SLC44A5: variants seen among roughly 807,000 people sequenced by gnomAD.
SLC44A5 encodes the protein solute carrier family 44 member 5.
A neutral mutation model predicts 101.8 loss-of-function variants in SLC44A5; 57 were observed. The observed-to-expected ratio is 0.56, with a 90% confidence interval of 0.45 to 0.70. The LOEUF is 0.70. Ranked by LOEUF, SLC44A5 falls within the 30% of genes least tolerant of loss-of-function variation. SLC44A5 has a pLI of 0.00. For synonymous variants in SLC44A5, 281 were observed against 290.9 expected, an observed-to-expected ratio of 0.97 and a Z score of 0.35; for missense variants, 737 against 853.1, an observed-to-expected ratio of 0.86 and a Z score of 1.70.
intron 2 of SLC44A5, among the ~76,000 whole-genome samples, chr1:75,494,977 T>C (rs768698583): frequency 2.6e-5 from 4 of 152,152 alleles, no homozygotes; most frequent in Non-Finnish European, 5.9e-5. Context: ...AGAAAAAAGA[T>C]GGCTCTTTGC....
At chr1:75,647,219 C>T in the SLC44A5 span, among the ~76,000 whole-genome samples, 10 of 152,182 alleles carry the variant, frequency 6.6e-5, no homozygotes, top group African/African-American at 1.9e-4. Flanking sequence ...TGCTTCAGAA[C>T]GTTCAAGCCC....
At chr1:75,204,798 CTT>C (rs1646722348) in intron 23 of SLC44A5, 1 of 152,100 alleles carries the variant, frequency 6.6e-6, no homozygotes, top group Admixed American at 6.6e-5. Flanking sequence ...AATTTTTCAA[CTT>C]TTATGTGTAT....
chr1:75,305,406 T>C (rs556081115), intron 4 of SLC44A5, among the ~76,000 whole-genome samples: 1 of 152,318 alleles, frequency 6.6e-6, no homozygotes, highest in South Asian at 2.1e-4. Context: ...ACATCACTGA[T>C]ATTACTGATA....
chr1:75,566,526 T>C (rs1284485770), intron 1 of SLC44A5, among the ~76,000 whole-genome samples: 6 of 152,242 alleles, frequency 3.9e-5, no homozygotes, highest in African/African-American at 7.2e-5. Flanking sequence ...ATATTTTTAT[T>C]ATCTCTAACA....
intron 6 of SLC44A5, among the ~76,000 whole-genome samples, chr1:75,262,598 C>CA (rs1294895259): frequency 6.6e-6 from 1 of 152,134 alleles, no homozygotes; most frequent in Admixed American, 6.6e-5. Flanking sequence ...ATCAAGCTAC[C>CA]ACTGACTTTC....
At chr1:75,528,436 G>A (rs1670542407) in intron 2 of SLC44A5, among the ~76,000 whole-genome samples, 1 of 152,132 alleles carries the variant, frequency 6.6e-6, no homozygotes, top group African/African-American at 2.4e-5. Flanking sequence ...ATAAACACAT[G>A]GATTTTACGA....
At chr1:75,522,999 C>T (rs211784) in intron 2 of SLC44A5, among the ~76,000 whole-genome samples, 19,484 of 152,186 alleles carry the variant, frequency 0.13, 1,353 homozygotes, top group Non-Finnish European at 0.15. Context: ...AGTACAAGTG[C>T]AGCTAGAAAT....
chr1:75,225,836 T>C (rs1647183247), intron 13 of SLC44A5, among the ~76,000 whole-genome samples: 1 of 152,200 alleles, frequency 6.6e-6, no homozygotes, highest in African/African-American at 2.4e-5. Flanking sequence ...TTCCTAAAGG[T>C]ACATCTCTTT....
At chr1:75,583,278 T>C (rs1673805363) in intron 1 of SLC44A5, among the ~76,000 whole-genome samples, 1 of 152,206 alleles carries the variant, frequency 6.6e-6, no homozygotes, top group Admixed American at 6.5e-5. Flanking sequence ...TTTATAACTC[T>C]CATTTGACTA....
chr1:75,617,762 A>T, the SLC44A5 span, among the ~76,000 whole-genome samples: 1 of 152,208 alleles, frequency 6.6e-6, no homozygotes, highest in East Asian at 1.9e-4. Flanking sequence ...GCTGCCTCTT[A>T]TTTAATTAAA....
chr1:75,456,034 A>G (rs963917344), intron 2 of SLC44A5, among the ~76,000 whole-genome samples: 50 of 152,164 alleles, frequency 3.3e-4, no homozygotes, highest in African/African-American at 4.8e-5. Flanking sequence ...AAAATAAACC[A>G]TTCTACCAAA....
At chr1:75,292,776 G>A (rs1476365229) in intron 5 of SLC44A5, among the ~76,000 whole-genome samples, 2 of 152,178 alleles carry the variant, frequency 1.3e-5, no homozygotes, top group African/African-American at 2.4e-5. Flanking sequence ...AGGTGAAGGA[G>A]GAAGAGAAAA....
intron 2 of SLC44A5, among the ~76,000 whole-genome samples, chr1:75,445,919 G>C (rs80293972): frequency 7.2e-5 from 11 of 152,088 alleles, no homozygotes; most frequent in Admixed American, 7.2e-4. Flanking sequence ...CAAGTTGCTC[G>C]GGGAAGAAAC....
At chr1:75,597,305 C>CA (rs1220369778) in intron 1 of SLC44A5, among the ~76,000 whole-genome samples, 3 of 151,622 alleles carry the variant, frequency 2.0e-5, no homozygotes, top group Admixed American at 6.6e-5. Context: ...ACAGATAATG[C>CA]AAAAAAATGG....
intron 4 of SLC44A5, among the ~76,000 whole-genome samples, chr1:75,308,594 T>C (rs938333911): frequency 2.6e-5 from 4 of 152,168 alleles, no homozygotes; most frequent in African/African-American, 9.7e-5. Flanking sequence ...AGTTACTGCT[T>C]ATATTACAGG....
chr1:75,414,644 G>A (rs1185747502), intron 2 of SLC44A5, among the ~76,000 whole-genome samples: 1 of 152,214 alleles, frequency 6.6e-6, no homozygotes, highest in Non-Finnish European at 1.5e-5. Context: ...GACTTTGTGA[G>A]TCAAGGAAGG....
In SLC44A5 at chr1:75,300,682, A is replaced by G. The variant is rs1164693371; in HGVS notation, c.105T>C (p.Ser35=). 6.4e-7 allele frequency: 1 copy of G among 1,574,052 alleles called. No homozygotes were observed. The highest frequency in any genetic ancestry group is 1.7e-4 in the Middle Eastern group (1 of 5,918). ...TCATACAGCACAGAACATCTGTACAACTCCTAAAGACAAAAAAAGAAATAA... is the reference window on the plus strand; with the variant it reads ...TCATACAGCACAGAACATCTGTACAGCTCCTAAAGACAAAAAAAGAAATAA... ...PDFKGPVANR[S]CTDVLCCMIF... The change falls in exon 5 of 24, where the codon AGT becomes AGC. Residue 35 remains serine (S), a synonymous_variant. Coordinates refer to ENST00000370859, the MANE Select transcript of SLC44A5 (RefSeq NM_001130058.2).
intron 3 of SLC44A5, among the ~76,000 whole-genome samples, chr1:75,353,068 TCTTATC>T (rs1658805472): frequency 6.6e-6 from 1 of 152,220 alleles, no homozygotes; most frequent in Non-Finnish European, 1.5e-5. Context: ...TGCTTTTTGC[TCTTATC>T]CTTATGTTTG....
At chr1:75,695,929 A>C in the SLC44A5 span, among the ~76,000 whole-genome samples, 1 of 151,806 alleles carries the variant, frequency 6.6e-6, no homozygotes, top group Non-Finnish European at 1.5e-5. Flanking sequence ...TACTGAGTGA[A>C]GCTGGGAAAG....
Sources: allele counts gnomAD v4.1 joint callset (sites outside exome capture counted in the v4.1 genomes callset), GRCh38; gene constraint gnomAD v4.1.1; transcripts MANE v1.5; gene names NCBI Gene and HGNC (gene_info 2026-07-23, HGNC 2026-07-21).